Variants in PYHIN1 observed in about 807,000 individuals in gnomAD.
PYHIN1 encodes the protein pyrin and HIN domain-containing protein 1.
PYHIN1 carries 32 observed loss-of-function variants against 43.7 expected under a neutral mutation model. The observed-to-expected ratio is 0.73, with a 90% confidence interval of 0.55 to 0.98. The LOEUF (loss-of-function observed/expected upper bound fraction) is 0.98. Among genes scored for constraint, PYHIN1 ranks in the 50% least tolerant of loss-of-function variants. The pLI, the probability that PYHIN1 is intolerant of heterozygous loss-of-function variation, is 0.00. For missense variants in PYHIN1, 588 were observed against 589.5 expected, an observed-to-expected ratio of 1.00 and a Z score of 0.03; for synonymous variants, 205 against 203.1, an observed-to-expected ratio of 1.01 and a Z score of -0.08.
rs538418902 is a variant in PYHIN1, at chr1:158,938,997, T to C, written c.412-83T>C. On this transcript the variant is annotated intron_variant, in intron 3 of 8. Coordinates refer to ENST00000368140, the MANE Select transcript of PYHIN1 (RefSeq NM_152501.5). ...TCCAAGAAAAACAATTTATATACAA[T>C]AAATATATTACCTTGTAATGAAAAT... The C allele has an allele frequency of 3.3e-5, 35 of 1,052,432 alleles. No homozygotes were observed. The African/African-American group carries it at 4.7e-4, about 14-fold the overall frequency. 65.2% of individuals were successfully genotyped at this position (1,052,432 alleles called of 1,614,324 possible).
intron 7 of PYHIN1, among the ~76,000 whole-genome samples, chr1:158,961,169 A>G (rs959496551): frequency 6.6e-6 from 1 of 152,206 alleles, no homozygotes; most frequent in Non-Finnish European, 1.5e-5. Context: ...TTCATAACAC[A>G]GTCATGAGAA....
At chr1:158,956,352 C>T (rs1269286467) in intron 7 of PYHIN1, among the ~76,000 whole-genome samples, 1 of 152,126 alleles carries the variant, frequency 6.6e-6, no homozygotes, top group Non-Finnish European at 1.5e-5. Flanking sequence ...CACAAATCCT[C>T]AATAAAATAC....
intron 8 of PYHIN1, among the ~76,000 whole-genome samples, chr1:158,975,062 A>C (rs1292877513): frequency 6.6e-6 from 1 of 151,982 alleles, no homozygotes; most frequent in African/African-American, 2.4e-5. Context: ...TAGCCCAGGA[A>C]TCTCAGCTAG....
chr1:158,985,774 T>G, the PYHIN1 span, among the ~76,000 whole-genome samples: 1 of 152,188 alleles, frequency 6.6e-6, no homozygotes, highest in Non-Finnish European at 1.5e-5. Context: ...TCTCTCCCTC[T>G]CTTTCTGTGA....
downstream of PYHIN1, among the ~76,000 whole-genome samples, chr1:158,981,327 CT>C (rs766133864): frequency 6.6e-6 from 1 of 152,094 alleles, no homozygotes; most frequent in Non-Finnish European, 1.5e-5. Context: ...AAAACTTAGC[CT>C]TTTGTGGTGG....
intron 7 of PYHIN1, among the ~76,000 whole-genome samples, chr1:158,950,896 T>C (rs191920929): frequency 2.6e-5 from 4 of 152,284 alleles, no homozygotes; most frequent in Admixed American, 2.6e-4. Flanking sequence ...CAGTTTTAAT[T>C]TTTGTGGGCT....
the PYHIN1 span, among the ~76,000 whole-genome samples, chr1:158,989,377 A>T: frequency 0.93 from 142,093 of 152,202 alleles, 67,112 homozygotes; most frequent in East Asian, 1. Context: ...TTGAACTGTA[A>T]CCTCCCAAAG....
the PYHIN1 span, among the ~76,000 whole-genome samples, chr1:158,985,417 G>A: frequency 6.6e-6 from 1 of 152,114 alleles, no homozygotes; most frequent in Non-Finnish European, 1.5e-5. Context: ...ACAAAGCTTG[G>A]TTCGGCTGGA....
chr1:158,935,988 C>T (rs535404081), intron 1 of PYHIN1, among the ~76,000 whole-genome samples: 1 of 152,268 alleles, frequency 6.6e-6, no homozygotes, highest in Non-Finnish European at 1.5e-5. Context: ...GTTCTTCACT[C>T]AATTTCTACA....
rs186632412 is a variant in PYHIN1, at chr1:158,932,930, T to G, written c.-21+1154T>G. ...TTAGAAGACTTTCTGTATAGCCTGGTGCAATATCTCAGTGTACTTGACTAG... is the reference window on the plus strand; with the variant it reads ...TTAGAAGACTTTCTGTATAGCCTGGGGCAATATCTCAGTGTACTTGACTAG... On this transcript the variant is annotated intron_variant, in intron 1 of 8. Transcript: ENST00000368140. 4.0e-3 allele frequency among the ~76,000 whole-genome samples: 615 copies of G among 152,276 alleles called. 6 individuals are homozygous for G. The highest frequency in any genetic ancestry group is 0.014 in the African/African-American group (590 of 41,562).
rs1343951700 is a variant in PYHIN1 at position 158,933,230 on chromosome 1, A to G, written c.-21+1454A>G. Among the ~76,000 whole-genome samples the G allele has an allele frequency of 6.6e-6, 1 of 151,690 alleles. No homozygotes were observed. The highest frequency in any genetic ancestry group is 6.6e-5 in the Admixed American group (1 of 15,214). ...CATGTTTCCAAACATAAACATACAC[A>G]TATAAATATATATATTTGTGGCACC... On this transcript the variant is annotated intron_variant, in intron 1 of 8. Transcript: ENST00000368140. This position sits in a 1 kb window ranked among gnomAD's most constrained non-coding sequence, Gnocchi z 6.3.
chr1:158,960,003 C>T lies in PYHIN1; in HGVS notation c.1360-13644C>T, dbSNP rs545252699. ...CAAAAGAATTAAATCACTATTTTTA[C>T]ATTCATTTCTCACCCAAGCCCTAAG... On this transcript the variant is annotated intron_variant, in intron 7 of 8. Transcript: ENST00000368140. Among the ~76,000 whole-genome samples, 17 of 152,304 alleles carry T rather than the reference C, an allele frequency of 1.1e-4. 1 individual carries two copies. In the South Asian group the frequency reaches 3.5e-3, roughly 32 times the overall value.
At chr1:158,943,205 ACT>A (rs1649029288) in intron 5 of PYHIN1, among the ~76,000 whole-genome samples, 1 of 152,100 alleles carries the variant, frequency 6.6e-6, no homozygotes, top group African/African-American at 2.4e-5. Flanking sequence ...TTCTGTACAC[ACT>A]CTTAAAGAAA....
rs757906939 is a variant in PYHIN1, at chr1:158,973,671, C to T, written c.1384C>T (p.Gln462Ter). 1.2e-6 allele frequency: 2 copies of T among 1,613,066 alleles called. No individual in the cohort carries two copies. The highest frequency in any genetic ancestry group is 1.7e-6 in the Non-Finnish European group (2 of 1,179,338). Residue 462 changes from glutamine (Q) to a stop codon, truncating the protein, a stop_gained, in exon 8 of 9, where the codon CAG becomes TAG. Transcript: ENST00000368140. LOFTEE classifies it high-confidence loss of function. ...TKKDETHPGAQSSPANFRITS... is the reference protein window; with the variant it reads ...TKKDETHPGA ...GAAGGATGAAACCCACCCAGGAGCACAGTCATCGCCTGCAAACTTTAGAAT... is the reference window on the plus strand; with the variant it reads ...GAAGGATGAAACCCACCCAGGAGCATAGTCATCGCCTGCAAACTTTAGAAT...
chr1:158,950,796 G>T (rs1353477971), intron 7 of PYHIN1, among the ~76,000 whole-genome samples: 1 of 152,130 alleles, frequency 6.6e-6, no homozygotes, highest in Admixed American at 6.5e-5. Context: ...GCTTGTCTTT[G>T]GGGGTTATAT....
At position 158,942,224 on chromosome 1, in the gene PYHIN1, A is replaced by G; in HGVS notation, c.827A>G (p.Lys276Arg). ...ATCATCATTATATCAAATTATTCCA[A>G]ACGTAATAGTCTCCTAGAGGTGAAT... ...KRIIIISNYSKRNSLLEVNEA... is the reference protein window; with the variant it reads ...KRIIIISNYSRRNSLLEVNEA... Residue 276 changes from lysine (K) to arginine (R), a missense_variant, in exon 5 of 9, where the codon AAA becomes AGA. Lys to Arg is a conservative substitution (Grantham distance 26, BLOSUM62 2). Transcript: ENST00000368140. 2 of 1,614,058 alleles carry G rather than the reference A, an allele frequency of 1.2e-6. No individual in the cohort carries two copies. The highest frequency in any genetic ancestry group is 4.5e-5 in the East Asian group (2 of 44,868).
intron 7 of PYHIN1, among the ~76,000 whole-genome samples, chr1:158,970,322 C>T (rs1650862694): frequency 6.6e-6 from 1 of 151,884 alleles, no homozygotes; most frequent in Non-Finnish European, 1.5e-5. Context: ...GGTACAAGTG[C>T]AGATTTGTTA....
At chr1:158,932,971 ATGTTGAT>A in intron 1 of PYHIN1, among the ~76,000 whole-genome samples, 1 of 152,136 alleles carries the variant, frequency 6.6e-6, no homozygotes, top group African/African-American at 2.4e-5. Context: ...GAGATTTTAA[ATGTTGAT>A]TTCAGGATTT....
chr1:158,953,563 A>C (rs1649720226), intron 7 of PYHIN1, among the ~76,000 whole-genome samples: 1 of 151,534 alleles, frequency 6.6e-6, no homozygotes, highest in Non-Finnish European at 1.5e-5. Flanking sequence ...AGGAAAACTA[A>C]CAAACAGAAA....
Sources: allele counts gnomAD v4.1 joint callset (sites outside exome capture counted in the v4.1 genomes callset), GRCh38; gene constraint gnomAD v4.1.1; non-coding constraint Gnocchi (gnomAD v3.1); transcripts MANE v1.5; gene names NCBI Gene and HGNC (gene_info 2026-07-23, HGNC 2026-07-21).